RSPH3: variants seen among roughly 807,000 people sequenced by gnomAD.
RSPH3 encodes the protein radial spoke head 3.
A neutral mutation model predicts 43.8 loss-of-function variants in RSPH3; 21 were observed. The observed-to-expected ratio is 0.48, with a 90% CI of 0.34 to 0.69. The LOEUF is 0.69. Ranked by LOEUF, RSPH3 falls within the 30% of genes least tolerant of loss-of-function variation. The probability of loss-of-function intolerance (pLI) is 0.01; values close to 1 mark genes in which losing one functional copy is unlikely to be tolerated. For synonymous variants in RSPH3, 173 were observed against 179.8 expected (o/e 0.96, Z 0.30); for missense variants, 487 against 516.0 (o/e 0.94, Z 0.54).
chr6:158,994,820 C>G (rs1778538048), intron 1 of RSPH3, among the ~76,000 whole-genome samples: 1 of 152,088 alleles, frequency 6.6e-6, no homozygotes, highest in African/African-American at 2.4e-5. Flanking sequence ...TAACAGTACT[C>G]TATGGGAAAT....
Position 158,986,411 on chromosome 6 carries a change from G to A in RSPH3, c.215C>T (p.Pro72Leu). Residue 72 changes from proline to leucine, a missense_variant, in exon 3 of 8, where the codon CCT (proline) becomes CTT (leucine). By Grantham distance (98) the Pro-to-Leu change is moderately conservative. Coordinates refer to ENST00000367069, the MANE Select transcript of RSPH3 (RefSeq NM_031924.8). ...TTGTCTCTGGAGCTCTAGAGAATCAGGCCGTCCGAGCTAACAGTGATAGAA... is the reference window on the plus strand; with the variant it reads ...TTGTCTCTGGAGCTCTAGAGAATCAAGCCGTCCGAGCTAACAGTGATAGAA... ...ALQTGPLLGR[P>L]DSLELQRQRE... The A allele has an allele frequency of 6.2e-7, 1 of 1,613,034 alleles. No individual in the cohort carries two copies. Among genetic ancestry groups the A allele is most frequent in the Non-Finnish European group, 8.5e-7 (1 of 1,179,600 alleles).
intron 1 of RSPH3, among the ~76,000 whole-genome samples, chr6:158,997,294 CAG>C (rs1466139288): frequency 2.7e-4 from 30 of 110,540 alleles, no homozygotes; most frequent in Non-Finnish European, 1.2e-4. Flanking sequence ...TTTTTTGAGA[CAG>C]AGTTTCGCTT....
intron 6 of RSPH3, among the ~76,000 whole-genome samples, chr6:158,979,346 T>A (rs1175383169): frequency 6.6e-6 from 1 of 152,160 alleles, no homozygotes; most frequent in African/African-American, 2.4e-5. Flanking sequence ...AAATGATCTA[T>A]AACTTACTTT....
Position 158,999,809 on chromosome 6 carries a change from T to G in RSPH3, c.-259A>C. The G allele has an allele frequency of 6.2e-7, 1 of 1,613,534 alleles. No homozygotes were observed. The highest frequency in any genetic ancestry group is 8.5e-7 in the Non-Finnish European group (1 of 1,179,766). ...TTGCCCAGCAACCCAGGGTTCTGTC[T>G]GGGGGCGGGAACTCCGGGCAGTTCC... On this transcript the variant is annotated 5_prime_UTR_variant, in exon 1 of 8. Transcript: ENST00000367069.
chr6:158,978,478 G>A, intron 6 of RSPH3, 132 bp from the exon 7 acceptor site: 1 of 578,640 alleles, frequency 1.7e-6, no homozygotes, highest in South Asian at 2.4e-5. Flanking sequence ...CATAACTTTT[G>A]CCATATTCCT....
At chr6:158,970,826 C>G (rs1583692787), downstream of RSPH3, among the ~76,000 whole-genome samples, 1 of 152,314 alleles carries the variant, frequency 6.6e-6, no homozygotes, top group Middle Eastern at 3.4e-3. Flanking sequence ...GCTGGGATTA[C>G]AGGCGTGAGA....
chr6:158,967,262 T>C, the RSPH3 span, among the ~76,000 whole-genome samples: 2 of 152,096 alleles, frequency 1.3e-5, no homozygotes, highest in East Asian at 3.9e-4. Flanking sequence ...CTCACCTTGG[T>C]TGGGATTACA....
At chr6:158,964,677 A>G in the RSPH3 span, among the ~76,000 whole-genome samples, 74 of 152,182 alleles carry the variant, frequency 4.9e-4, 1 homozygote, top group Middle Eastern at 6.8e-3. Context: ...TTGTCATTTT[A>G]TTGTCGAGTT....
intron 2 of RSPH3, among the ~76,000 whole-genome samples, chr6:158,988,778 A>G (rs961929063): frequency 2.0e-5 from 3 of 152,134 alleles, no homozygotes; most frequent in Non-Finnish European, 2.9e-5. Flanking sequence ...TTCTCTAACA[A>G]ATTTCTAAAT....
At position 158,999,697 on chromosome 6, in the gene RSPH3, G is replaced by A; in HGVS notation, c.-147C>T. 1 of 1,614,000 alleles carries A rather than the reference G, an allele frequency of 6.2e-7. No individual in the cohort carries two copies. The highest frequency in any genetic ancestry group is 8.5e-7 in the Non-Finnish European group (1 of 1,179,960). On this transcript the variant is annotated 5_prime_UTR_variant, in exon 1 of 8. Transcript: ENST00000367069. ...AGAGGCGACAACAAGGGAGGCGGGCGGGACGGGAGGTTACCAGCGCAGGAG... is the reference window on the plus strand; with the variant it reads ...AGAGGCGACAACAAGGGAGGCGGGCAGGACGGGAGGTTACCAGCGCAGGAG...
the RSPH3 span, among the ~76,000 whole-genome samples, chr6:158,965,636 GGT>G: frequency 6.6e-6 from 1 of 151,898 alleles, no homozygotes; most frequent in Admixed American, 6.6e-5. Context: ...TTGATTTTGT[GGT>G]CTGCAAACTT....
At chr6:158,971,766 G>A (rs927499671), downstream of RSPH3, among the ~76,000 whole-genome samples, 3 of 152,306 alleles carry the variant, frequency 2.0e-5, no homozygotes, top group East Asian at 5.8e-4. Context: ...TTTTCTCTCC[G>A]ATGTCCTGGA....
the RSPH3 span, among the ~76,000 whole-genome samples, chr6:158,963,557 T>TTTTC: frequency 7.0e-6 from 1 of 143,718 alleles, no homozygotes; most frequent in African/African-American, 2.5e-5. Flanking sequence ...CCCTTCTTTC[T>TTTTC]TTTCTTTCTT....
chr6:158,999,733 T>C lies in RSPH3; in HGVS notation c.-183A>G. The stretch of plus-strand genomic sequence containing the variant: ...TTACCAGCGCAGGAGGTGGGAGCTA[T>C]ACTGGGCTCGCTCCCAGCACCACAG... On this transcript the variant is annotated 5_prime_UTR_variant, in exon 1 of 8. Coordinates refer to ENST00000367069, the MANE Select transcript of RSPH3 (RefSeq NM_031924.8). The C allele has an allele frequency of 6.2e-7, 1 of 1,612,488 alleles. No homozygotes were observed. Among genetic ancestry groups the C allele is most frequent in the Non-Finnish European group, 8.5e-7 (1 of 1,179,006 alleles).
At chr6:158,986,244 C>T (rs1778234580) in intron 3 of RSPH3, 36 bp downstream of exon 3, 2 of 1,604,954 alleles carry the variant, frequency 1.2e-6, no homozygotes, top group Non-Finnish European at 1.7e-6. Context: ...ACTGAGTAAA[C>T]CAAGAGGACA....
intron 5 of RSPH3, among the ~76,000 whole-genome samples, chr6:158,981,352 G>C (rs1406721772): frequency 6.6e-6 from 1 of 152,142 alleles, no homozygotes; most frequent in Non-Finnish European, 1.5e-5. Flanking sequence ...TGGTTCTGAA[G>C]ATTATGAAAG....
chr6:158,982,723 T>C (rs758415006), intron 4 of RSPH3, 35 bp from the exon 5 acceptor site: 2 of 1,436,068 alleles, frequency 1.4e-6, no homozygotes, highest in Non-Finnish European at 1.9e-6. Flanking sequence ...CTTAAAATTT[T>C]AATTACGAAT....
At chr6:158,996,670 T>C (rs1778607480) in intron 1 of RSPH3, among the ~76,000 whole-genome samples, 1 of 152,226 alleles carries the variant, frequency 6.6e-6, no homozygotes, top group African/African-American at 2.4e-5. Context: ...ACTGAAGATT[T>C]ATCCAGTTCA....
chr6:158,965,413 T>G, the RSPH3 span, among the ~76,000 whole-genome samples: 3 of 152,164 alleles, frequency 2.0e-5, no homozygotes, highest in East Asian at 1.9e-4. Flanking sequence ...CCAACATGAA[T>G]ATGTAATGTC....
Sources: allele counts gnomAD v4.1 joint callset (sites outside exome capture counted in the v4.1 genomes callset), GRCh38; gene constraint gnomAD v4.1.1; transcripts MANE v1.5; gene names NCBI Gene and HGNC (gene_info 2026-07-23, HGNC 2026-07-21).